Variants in TRPC6 observed in about 807,000 individuals in gnomAD.
TRPC6 encodes short transient receptor potential channel 6.
Under a neutral mutation model 90.7 loss-of-function variants are expected in TRPC6, and 55 were observed. That is an observed-to-expected ratio of 0.61 (90% CI 0.49 to 0.76). TRPC6 has a LOEUF of 0.76. Among genes scored for constraint, TRPC6 ranks in the 30% least tolerant of loss-of-function variants. TRPC6 has a pLI of 0.00. For synonymous variants in TRPC6, 393 were observed against 393.0 expected (o/e 1.00, Z 0.00); for missense variants, 989 against 1,122.7 (o/e 0.88, Z 1.70).
intron 1 of TRPC6, among the ~76,000 whole-genome samples, chr11:101,539,852 T>A (rs1190238749): frequency 1.3e-5 from 2 of 152,142 alleles, no homozygotes; most frequent in African/African-American, 4.8e-5. Context: ...TTTTATGAAT[T>A]TGGGAGTGTT....
intron 10 of TRPC6, among the ~76,000 whole-genome samples, chr11:101,464,354 T>C (rs1324836535): frequency 6.6e-6 from 1 of 152,124 alleles, no homozygotes; most frequent in Non-Finnish European, 1.5e-5. Flanking sequence ...TCTTTAATTT[T>C]CTGTCTTGTT....
chr11:101,512,432 C>CA (rs1860414571), intron 1 of TRPC6, among the ~76,000 whole-genome samples: 1 of 152,158 alleles, frequency 6.6e-6, no homozygotes, highest in South Asian at 2.1e-4. Context: ...AATTAGAACT[C>CA]AAACTGTGTG....
intron 10 of TRPC6, among the ~76,000 whole-genome samples, chr11:101,460,053 G>C (rs1265168364): frequency 6.6e-6 from 1 of 152,162 alleles, no homozygotes; most frequent in Non-Finnish European, 1.5e-5. Flanking sequence ...AATCTTCTGA[G>C]TACTTAGTTC....
intron 1 of TRPC6, among the ~76,000 whole-genome samples, chr11:101,508,869 A>G (rs556568033): frequency 6.6e-6 from 1 of 152,054 alleles, no homozygotes; most frequent in Non-Finnish European, 1.5e-5. Context: ...ATTTTTTTTC[A>G]TCCATTAAAA....
intron 10 of TRPC6, among the ~76,000 whole-genome samples, chr11:101,462,381 A>G (rs144393516): frequency 2.6e-5 from 4 of 152,308 alleles, no homozygotes; most frequent in East Asian, 1.9e-4. Flanking sequence ...ATAGCATTGA[A>G]TCTGTAAATT....
intron 6 of TRPC6, among the ~76,000 whole-genome samples, chr11:101,475,655 C>A (rs1369416062): frequency 2.0e-5 from 3 of 149,064 alleles, no homozygotes; most frequent in Non-Finnish European, 4.4e-5. Context: ...CAGCCCCTGA[C>A]AACCACCATT....
rs1485234280 is a variant in TRPC6, at chr11:101,471,266, G to C, written c.2326C>G (p.Leu776Val). The change falls in exon 9 of 13, where the codon CTC (leucine) becomes GTC (valine). Residue 776 changes from leucine to valine, a missense_variant. Around this residue, in one of 4 missense-constraint regions of TRPC6, gnomAD observed 191 missense variants for 196.7 expected, o/e 0.97. Transcript: ENST00000344327. The stretch of plus-strand genomic sequence containing the variant: ...ATCCATTTTTTAAGCTTCAGTAAGA[G>C]ATAAAACAGGGACTTTGGACTCGGC... ...LVPSPKSLFY[L>V]LLKLKKWISE... 2 of 1,613,820 alleles carry C rather than the reference G, an allele frequency of 1.2e-6. No individual in the cohort carries two copies. The highest frequency in any genetic ancestry group is 2.7e-5 in the African/African-American group (2 of 74,896).
At chr11:101,508,157 T>C (rs1860317031) in intron 1 of TRPC6, among the ~76,000 whole-genome samples, 1 of 152,142 alleles carries the variant, frequency 6.6e-6, no homozygotes, top group Non-Finnish European at 1.5e-5. Context: ...TGTTAAAGAT[T>C]GCACACATCA....
At position 101,504,645 on chromosome 11, in the gene TRPC6, A is replaced by C. The variant is rs755453317; in HGVS notation, c.324T>G (p.Tyr108Ter). The part of the protein sequence containing the change: ...EEERFLDAAE[Y>*]GNIPVVRKML... ...TCTTCCGCACCACTGGGATGTTACC[A>C]TATTCAGCTGCATCCAAAAAGCGTT... Residue 108 changes from tyrosine (Y) to a stop codon, truncating the protein, a stop_gained, in exon 2 of 13, where the codon TAT becomes TAG. Coordinates refer to ENST00000344327, the MANE Select transcript of TRPC6 (RefSeq NM_004621.6). LOFTEE classifies it high-confidence loss of function. 1.2e-6 allele frequency: 2 copies of C among 1,609,682 alleles called. No individual in the cohort carries two copies. The highest frequency in any genetic ancestry group is 8.5e-7 in the Non-Finnish European group (1 of 1,177,000).
At chr11:101,481,159 G>T (rs1565210741) in intron 5 of TRPC6, among the ~76,000 whole-genome samples, 1 of 152,122 alleles carries the variant, frequency 6.6e-6, no homozygotes, top group Non-Finnish European at 1.5e-5. Context: ...CCAGCATGAA[G>T]CCAAGAAGAC....
chr11:101,563,123 T>C (rs1408941199), intron 1 of TRPC6, among the ~76,000 whole-genome samples: 3 of 152,214 alleles, frequency 2.0e-5, no homozygotes, highest in African/African-American at 4.8e-5. Flanking sequence ...AGTTCCTCAG[T>C]TGCACCAGCC....
At chr11:101,569,669 C>A (rs966038251) in intron 1 of TRPC6, among the ~76,000 whole-genome samples, 2 of 152,162 alleles carry the variant, frequency 1.3e-5, no homozygotes, top group Non-Finnish European at 2.9e-5. Flanking sequence ...ACAAACAAGT[C>A]TCTCAGACCA....
chr11:101,512,485 T>G (rs1349134587), intron 1 of TRPC6, among the ~76,000 whole-genome samples: 1 of 152,204 alleles, frequency 6.6e-6, no homozygotes, highest in African/African-American at 2.4e-5. Context: ...TATAGGAACT[T>G]GCCTTTTTAT....
chr11:101,521,175 C>T (rs978356608), intron 1 of TRPC6, among the ~76,000 whole-genome samples: 1 of 150,652 alleles, frequency 6.6e-6, no homozygotes, highest in African/African-American at 2.4e-5. Flanking sequence ...CCTTCTATCG[C>T]AAGCCTGGAG....
In TRPC6 at chr11:101,452,609, G is replaced by A; in HGVS notation, c.*346C>T. 4.2e-6 allele frequency: 1 copy of A among 237,702 alleles called. No individual in the cohort carries two copies. The highest frequency in any genetic ancestry group is 1.0e-4 in the East Asian group (1 of 9,552). The allele number at this position is 237,702 out of a possible 1,614,324, so 14.7% of individuals were successfully genotyped here. On this transcript the variant is annotated 3_prime_UTR_variant, in exon 13 of 13. Coordinates refer to ENST00000344327, the MANE Select transcript of TRPC6 (RefSeq NM_004621.6). ...ATAAACTTCAGAGGAAAAACCGCAT[G>A]GGGAGTAACGTGGGTCAGCCCCTGT... is the stretch of plus-strand genomic sequence containing the variant.
At chr11:101,565,108 A>C (rs1311819581) in intron 1 of TRPC6, among the ~76,000 whole-genome samples, 1 of 152,146 alleles carries the variant, frequency 6.6e-6, no homozygotes, top group Non-Finnish European at 1.5e-5. Context: ...TTTCCCTAGA[A>C]GAACACATAG....
chr11:101,474,572 T>A (rs939012166), intron 6 of TRPC6, among the ~76,000 whole-genome samples: 1 of 152,184 alleles, frequency 6.6e-6, no homozygotes, highest in Non-Finnish European at 1.5e-5. Flanking sequence ...GTGCTTTGAA[T>A]ATAAGTATTA....
intron 1 of TRPC6, among the ~76,000 whole-genome samples, chr11:101,534,784 A>G (rs1006066577): frequency 6.6e-6 from 1 of 152,130 alleles, no homozygotes; most frequent in Non-Finnish European, 1.5e-5. Flanking sequence ...ATTTCAGAAA[A>G]TTTTTTAAAA....
At chr11:101,554,358 G>C (rs751861843) in intron 1 of TRPC6, among the ~76,000 whole-genome samples, 1 of 151,872 alleles carries the variant, frequency 6.6e-6, no homozygotes, top group Admixed American at 6.6e-5. Flanking sequence ...TTTATGTTAT[G>C]CTTGGTATGT....
Sources: allele counts gnomAD v4.1 joint callset (sites outside exome capture counted in the v4.1 genomes callset), GRCh38; gene constraint gnomAD v4.1.1; regional missense constraint gnomAD v4.1.1; transcripts MANE v1.5; gene names NCBI Gene and HGNC (gene_info 2026-07-23, HGNC 2026-07-21).